GRAMD1A: variants seen among roughly 807,000 people sequenced by gnomAD.
GRAMD1A encodes the protein protein Aster-A.
A neutral mutation model predicts 92.0 loss-of-function variants in GRAMD1A; 50 were observed. The ratio of observed to expected loss-of-function variants is 0.54; its 90% confidence interval spans 0.43 to 0.69. The LOEUF is 0.69. Among genes scored for constraint, GRAMD1A ranks in the 30% least tolerant of loss-of-function variants. The probability of loss-of-function intolerance (pLI) is 0.00; values close to 1 mark genes in which losing one functional copy is unlikely to be tolerated. For missense variants in GRAMD1A, 819 were observed against 978.9 expected, an observed-to-expected ratio of 0.84 and a Z score of 2.18; for synonymous variants, 405 against 403.6, an observed-to-expected ratio of 1.00 and a Z score of -0.04.
At chr19:34,995,571 G>GTTTTTTTTTTT, upstream of GRAMD1A, among the ~76,000 whole-genome samples, 1 of 93,652 alleles carries the variant, frequency 1.1e-5, no homozygotes, top group Non-Finnish European at 2.2e-5. Flanking sequence ...CAGATCACGG[G>GTTTTTTTTTTT]TTTTTTTTTT....
At position 35,000,484 on chromosome 19, in the gene GRAMD1A, C is replaced by A. The variant is rs1458325570; in HGVS notation, c.6C>A (p.Phe2Leu). The change falls in exon 1 of 20, where the codon TTC becomes TTA. Residue 2 changes from phenylalanine to leucine, a missense_variant and splice_region_variant. Physicochemically the swap from Phe to Leu is conservative, Grantham distance 22. This residue lies in a region of GRAMD1A where 98 missense variants were observed against 84.0 expected (regional missense o/e 1.17). Transcript: ENST00000317991. This position sits in a 1 kb window ranked among gnomAD's most constrained non-coding sequence, Gnocchi z 4.9. ...GCGCCCACCGCGCCGCATCCATGTT[C>A]GAGTAAGGACCGGGCGACTAGAGCT... The part of the protein sequence containing the change: M[F>L]DTTPHSGRST... 27 of 1,272,576 alleles carry A rather than the reference C, an allele frequency of 2.1e-5. No individual in the cohort carries two copies. The highest frequency in any genetic ancestry group is 2.6e-5 in the Non-Finnish European group (26 of 1,002,404). The allele number at this position is 1,272,576 out of a possible 1,614,324, so 78.8% of individuals were successfully genotyped here. A position where few individuals can be genotyped will look rare whatever the true frequency, so the allele number is the denominator to read the frequency against.
chr19:35,006,308 C>T (rs542787466), intron 1 of GRAMD1A, among the ~76,000 whole-genome samples: 11 of 152,172 alleles, frequency 7.2e-5, no homozygotes, highest in South Asian at 2.1e-4. Flanking sequence ...GGTGACAGCG[C>T]GACTCTTTGT....
At chr19:35,006,842 T>A (rs1177336733) in intron 1 of GRAMD1A, among the ~76,000 whole-genome samples, 1 of 152,164 alleles carries the variant, frequency 6.6e-6, no homozygotes, top group Admixed American at 6.5e-5. Flanking sequence ...GCCTGGGGTG[T>A]GGCGACAGAG....
In GRAMD1A at chr19:35,021,948, C is replaced by T. The variant is rs771257155; in HGVS notation, c.1754-3C>T. 1 of 1,613,880 alleles carries T rather than the reference C, an allele frequency of 6.2e-7. No homozygotes were observed. The highest frequency in any genetic ancestry group is 8.5e-7 in the Non-Finnish European group (1 of 1,179,876). On this transcript the variant is annotated splice_region_variant and splice_polypyrimidine_tract_variant and intron_variant, in intron 15 of 19. Coordinates refer to ENST00000317991, the MANE Select transcript of GRAMD1A (RefSeq NM_020895.5). The surrounding 1 kb of genome is among the most constrained non-coding windows in gnomAD (Gnocchi z 5.3). Reference sequence around the variant, plus strand: ...CATCTGACTCCAAGCTGCTCTCCTGCAGGCTCCCTCAGCTCCCGCTTCTCC... The same window carrying T: ...CATCTGACTCCAAGCTGCTCTCCTGTAGGCTCCCTCAGCTCCCGCTTCTCC...
upstream of GRAMD1A, among the ~76,000 whole-genome samples, chr19:34,995,673 C>T (rs773215511): frequency 4.5e-4 from 67 of 149,378 alleles, 1 homozygote; most frequent in Non-Finnish European, 2.1e-4. Context: ...CCTCAAATTC[C>T]GGGATTCTCA....
rs1213285185 is a variant in GRAMD1A at position 35,000,516 on chromosome 19, C to T, written c.8+30C>T. 2.4e-6 allele frequency: 3 copies of T among 1,259,422 alleles called. No individual in the cohort carries two copies. In the African/African-American group the frequency reaches 4.7e-5, roughly 20 times the overall value. 78.0% of individuals were successfully genotyped at this position (1,259,422 alleles called of 1,614,324 possible). A position where few individuals can be genotyped will look rare whatever the true frequency, so the allele number is the denominator to read the frequency against. On this transcript the variant is annotated intron_variant, in intron 1 of 19. Coordinates refer to ENST00000317991, the MANE Select transcript of GRAMD1A (RefSeq NM_020895.5). This position sits in a 1 kb window ranked among gnomAD's most constrained non-coding sequence, Gnocchi z 4.9. The stretch of plus-strand genomic sequence containing the variant: ...GGACCGGGCGACTAGAGCTCAGGGA[C>T]CGGGCGCGCGGGGGAGGCCACCGGA...
chr19:35,024,406 G>A (rs1425674940), intron 19 of GRAMD1A, among the ~76,000 whole-genome samples: 1 of 148,762 alleles, frequency 6.7e-6, no homozygotes, highest in Non-Finnish European at 1.5e-5. Flanking sequence ...ACTCAGGCCA[G>A]CAGTTGCGGT....
chr19:35,000,786 G>A lies in GRAMD1A; in HGVS notation c.8+300G>A, dbSNP rs2014307340. 6.6e-6 allele frequency among the ~76,000 whole-genome samples: 1 copy of A among 152,130 alleles called. No homozygotes were observed. The highest frequency in any genetic ancestry group is 1.5e-5 in the Non-Finnish European group (1 of 67,986). On this transcript the variant is annotated intron_variant, in intron 1 of 19. Transcript: ENST00000317991. This position sits in a 1 kb window ranked among gnomAD's most constrained non-coding sequence, Gnocchi z 4.9. ...GGGGCCCGCGGGTTCATCTGGCGGG[G>A]AGGGCCCTCAGGCCTGGCAACCCCC...
chr19:34,994,823 A>C (rs1216942150), exon 1 of GRAMD1A: 1 of 152,218 alleles, frequency 6.6e-6, no homozygotes, highest in East Asian at 1.9e-4. Flanking sequence ...AGGACCCAAT[A>C]AGGTAGGGGT....
chr19:35,012,252 T>G (rs959091400), intron 7 of GRAMD1A, among the ~76,000 whole-genome samples: 3 of 152,204 alleles, frequency 2.0e-5, no homozygotes, highest in Non-Finnish European at 4.4e-5. Flanking sequence ...GGGTCACATC[T>G]CAGCACTGCT....
chr19:34,995,802 C>G (rs1453488498), upstream of GRAMD1A, among the ~76,000 whole-genome samples: 1 of 151,978 alleles, frequency 6.6e-6, no homozygotes, highest in Non-Finnish European at 1.5e-5. Context: ...AGACTGGTCT[C>G]AAACTCCTGG....
Position 35,023,307 on chromosome 19 carries a change from C to T in GRAMD1A, c.1925C>T (p.Thr642Ile). 6.2e-7 allele frequency: 1 copy of T among 1,614,178 alleles called. No individual in the cohort carries two copies. The highest frequency in any genetic ancestry group is 8.5e-7 in the Non-Finnish European group (1 of 1,179,990). The stretch of plus-strand genomic sequence containing the variant: ...TGGTCCCTGGAAAGGACAGCCCACA[C>T]CTTTGAGTCCTGGCACAGCCTGGCC... Reference protein sequence around the residue: ...RLWSLERTAHTFESWHSLALA... With the variant: ...RLWSLERTAHIFESWHSLALA... The change falls in exon 18 of 20, where the codon ACC becomes ATC. Residue 642 changes from threonine to isoleucine, a missense_variant. This residue lies in a region of GRAMD1A where 577 missense variants were observed against 674.6 expected (regional missense o/e 0.86). Coordinates refer to ENST00000317991, the MANE Select transcript of GRAMD1A (RefSeq NM_020895.5).
intron 1 of GRAMD1A, among the ~76,000 whole-genome samples, chr19:35,003,951 G>A (rs1407387173): frequency 6.6e-6 from 1 of 152,226 alleles, no homozygotes. Context: ...AATTGGTTGG[G>A]CACAGTGGCT....
chr19:35,019,882 T>A (rs2015924862), intron 13 of GRAMD1A, among the ~76,000 whole-genome samples: 1 of 151,630 alleles, frequency 6.6e-6, no homozygotes, highest in South Asian at 2.1e-4. Context: ...TGGAGAAAAA[T>A]GAGGAAAACA....
At chr19:34,997,175 A>T (rs754377293), upstream of GRAMD1A, among the ~76,000 whole-genome samples, 4 of 152,046 alleles carry the variant, frequency 2.6e-5, no homozygotes, top group African/African-American at 4.8e-5. Context: ...CGGCCTCCCA[A>T]AGTGCTGGGA....
intron 1 of GRAMD1A, among the ~76,000 whole-genome samples, chr19:35,001,955 CATT>C (rs1600270914): frequency 2.6e-5 from 4 of 151,874 alleles, no homozygotes; most frequent in Admixed American, 2.0e-4. Flanking sequence ...ACATTTGTGA[CATT>C]GTTGTGTGTC....
Position 35,013,456 on chromosome 19 carries a change from G to T in GRAMD1A, c.720-85G>T. On this transcript the variant is annotated intron_variant, in intron 8 of 19. Coordinates refer to ENST00000317991, the MANE Select transcript of GRAMD1A (RefSeq NM_020895.5). The surrounding 1 kb of genome is among the most constrained non-coding windows in gnomAD (Gnocchi z 4.9). Reference sequence around the variant, plus strand: ...GTTCCTGGAGTGCTGGGGGGCCTGAGATGGTTGTATGACGTCTGGAGGATT... The same window carrying T: ...GTTCCTGGAGTGCTGGGGGGCCTGATATGGTTGTATGACGTCTGGAGGATT... The T allele has an allele frequency of 6.5e-7, 1 of 1,539,938 alleles. No homozygotes were observed. The highest frequency in any genetic ancestry group is 1.7e-5 in the Admixed American group (1 of 59,008).
intron 11 of GRAMD1A, among the ~76,000 whole-genome samples, chr19:35,017,433 A>G (rs760101622): frequency 4.6e-5 from 7 of 152,128 alleles, no homozygotes; most frequent in Non-Finnish European, 8.8e-5. Context: ...TGCAGGGGAT[A>G]CTGCATGTCT....
In GRAMD1A at chr19:35,010,215, G is replaced by A; in HGVS notation, c.429+20G>A. On this transcript the variant is annotated intron_variant, in intron 5 of 19. Coordinates refer to ENST00000317991, the MANE Select transcript of GRAMD1A (RefSeq NM_020895.5). The stretch of plus-strand genomic sequence containing the variant: ...ACCACGGTGAGCCCGCAGCGGGGCA[G>A]GGTACAGGGGCGGGGGCCCCCATGG... 6.3e-7 allele frequency: 1 copy of A among 1,598,996 alleles called. No homozygotes were observed.
Sources: allele counts gnomAD v4.1 joint callset (sites outside exome capture counted in the v4.1 genomes callset), GRCh38; gene constraint gnomAD v4.1.1; regional missense constraint gnomAD v4.1.1; non-coding constraint Gnocchi (gnomAD v3.1); transcripts MANE v1.5; gene names NCBI Gene and HGNC (gene_info 2026-07-23, HGNC 2026-07-21).